TCP11L1: variants seen among roughly 807,000 people sequenced by gnomAD.
TCP11L1 encodes the protein T-complex protein 11-like protein 1.
In TCP11L1, 28 loss-of-function variants were observed where a neutral mutation model predicts 48.9. The ratio of observed to expected loss-of-function variants is 0.57; its 90% CI spans 0.42 to 0.78. The LOEUF (loss-of-function observed/expected upper bound fraction) is 0.78, where lower values mean the gene tolerates loss of function less well. TCP11L1 is among the 30% of genes least tolerant of loss of function. The pLI is 0.00. For missense variants in TCP11L1, 505 were observed against 613.4 expected, an observed-to-expected ratio of 0.82 and a Z score of 1.87; for synonymous variants, 204 against 231.9, an observed-to-expected ratio of 0.88 and a Z score of 1.09.
chr11:33,051,786 A>G (rs2133707256), intron 2 of TCP11L1, among the ~76,000 whole-genome samples: 1 of 152,280 alleles, frequency 6.6e-6, no homozygotes, highest in Admixed American at 6.5e-5. Flanking sequence ...ATGTGTGTGT[A>G]TATTAGTCTA....
At chr11:33,051,330 G>A (rs527645821) in intron 2 of TCP11L1, among the ~76,000 whole-genome samples, 1 of 151,636 alleles carries the variant, frequency 6.6e-6, no homozygotes, top group Non-Finnish European at 1.5e-5. Flanking sequence ...ATCACGCCCG[G>A]CTAATTTTTT....
At chr11:33,045,894 A>T (rs1429265088) in intron 2 of TCP11L1, among the ~76,000 whole-genome samples, 1 of 152,228 alleles carries the variant, frequency 6.6e-6, no homozygotes, top group East Asian at 1.9e-4. Context: ...CAAGCACATG[A>T]TCTACAGCTG....
rs1381209819 is a variant in TCP11L1, at chr11:33,065,719, C to T, written c.973-111C>T. ...CTCCCTCAAAGCTCTGACACACTAG[C>T]GCAAACCCTGAGGGAAGCTGCAGAG... On this transcript the variant is annotated intron_variant, in intron 7 of 9. Coordinates refer to ENST00000334274, the MANE Select transcript of TCP11L1 (RefSeq NM_018393.4). The T allele has an allele frequency of 8.1e-6, 10 of 1,235,064 alleles. No individual in the cohort carries two copies. In the Middle Eastern group the frequency reaches 1.1e-3, roughly 141 times the overall value. 76.5% of individuals were successfully genotyped at this position (1,235,064 alleles called of 1,614,324 possible). A position where few individuals can be genotyped will look rare whatever the true frequency, so the allele number is the denominator to read the frequency against.
chr11:33,051,050 A>AT (rs1016537682), intron 2 of TCP11L1, among the ~76,000 whole-genome samples: 4 of 151,814 alleles, frequency 2.6e-5, no homozygotes, highest in African/African-American at 9.7e-5. Context: ...GCCTCAAGCA[A>AT]TTTTTGCACC....
rs920611300 is a variant in TCP11L1, at chr11:33,058,941, A to G, written c.639-18A>G. 2 of 1,611,058 alleles carry G rather than the reference A, an allele frequency of 1.2e-6. No individual in the cohort carries two copies. Among genetic ancestry groups the G allele is most frequent in the South Asian group, 2.2e-5 (2 of 90,238 alleles). The stretch of plus-strand genomic sequence containing the variant: ...TTTACTTTACAAATGCTTGCTTCTA[A>G]ATCCTTTTTTCTTTCAGAGAAATTT... On this transcript the variant is annotated intron_variant, in intron 5 of 9. Coordinates refer to ENST00000334274, the MANE Select transcript of TCP11L1 (RefSeq NM_018393.4).
Position 33,061,707 on chromosome 11 carries a change from T to C in TCP11L1, c.953T>C (p.Leu318Pro). ...AYLKLLKWDHLQRPFPETVLM... is the reference protein window; with the variant it reads ...AYLKLLKWDHPQRPFPETVLM... ...CTGAAGCTTCTGAAGTGGGACCACC[T>C]CCAGAGGCCGTTCCCCGAAGTAGGT... Residue 318 changes from leucine (L) to proline (P), a missense_variant, in exon 7 of 10, where the codon CTC (leucine) becomes CCC (proline). Coordinates refer to ENST00000334274, the MANE Select transcript of TCP11L1 (RefSeq NM_018393.4). 6.2e-7 allele frequency: 1 copy of C among 1,602,020 alleles called. No homozygotes were observed. Among genetic ancestry groups the C allele is most frequent in the Non-Finnish European group, 8.5e-7 (1 of 1,172,480 alleles).
chr11:33,065,003 C>G (rs969587927), intron 7 of TCP11L1, among the ~76,000 whole-genome samples: 1 of 152,196 alleles, frequency 6.6e-6, no homozygotes, highest in Non-Finnish European at 1.5e-5. Context: ...TTGCTAGGGA[C>G]TGAGTGAGGG....
Position 33,059,173 on chromosome 11 carries a change from T to A in TCP11L1, c.775+78T>A, listed in dbSNP as rs1854403383. 15 of 1,554,362 alleles carry A rather than the reference T, an allele frequency of 9.7e-6. No individual in the cohort carries two copies. In the South Asian group the frequency reaches 1.5e-4, roughly 15 times the overall value. On this transcript the variant is annotated intron_variant, in intron 6 of 9. Transcript: ENST00000334274. ...AGCTGCCATAGCTTGTTGCATAATA[T>A]TATTTTCAGAACAAAACTAAAATTT...
Position 33,065,834 on chromosome 11 carries a change from T to G in TCP11L1, c.977T>G (p.Val326Gly). The change falls in exon 8 of 10, where the codon GTT (valine) becomes GGT (glycine). Residue 326 changes from valine (V) to glycine (G), a missense_variant. Val to Gly is a moderately radical substitution (Grantham distance 109, BLOSUM62 -3). Transcript: ENST00000334274. ...DHLQRPFPET[V>G]LMDQSRFHEL... Reference sequence around the variant, plus strand: ...GGCCTCTTCTATTCATTACAGACAGTTTTAATGGACCAGTCTCGCTTCCAC... The same window carrying G: ...GGCCTCTTCTATTCATTACAGACAGGTTTAATGGACCAGTCTCGCTTCCAC... The G allele has an allele frequency of 6.2e-7, 1 of 1,613,648 alleles. No individual in the cohort carries two copies. Among genetic ancestry groups the G allele is most frequent in the Non-Finnish European group, 8.5e-7 (1 of 1,179,746 alleles).
Position 33,072,504 on chromosome 11 carries a change from A to G in TCP11L1, c.1358A>G (p.Tyr453Cys), listed in dbSNP as rs776804677. The G allele has an allele frequency of 3.1e-6, 5 of 1,614,134 alleles. No individual in the cohort carries two copies. The highest frequency in any genetic ancestry group is 2.2e-5 in the East Asian group (1 of 44,868). ...ESRILTFLET[Y>C]LASGHQKPLP... ...CGAATCCTGACCTTCTTAGAAACCT[A>G]CCTTGCCTCGGGTCATCAGAAGCCA... Residue 453 changes from tyrosine (Y) to cysteine (C), a missense_variant, in exon 10 of 10, where the codon TAC (tyrosine) becomes TGC (cysteine). Physicochemically the swap from Tyr to Cys is radical, Grantham distance 194. Coordinates refer to ENST00000334274, the MANE Select transcript of TCP11L1 (RefSeq NM_018393.4).
chr11:33,053,109 A>G (rs1002530870), intron 2 of TCP11L1, among the ~76,000 whole-genome samples: 15 of 150,702 alleles, frequency 1.0e-4, no homozygotes, highest in Admixed American at 8.6e-4. Context: ...CTCTGACTCC[A>G]TGATAGGCTA....
Position 33,057,050 on chromosome 11 carries a change from G to C in TCP11L1, c.297-65G>C, listed in dbSNP as rs1854329472. The C allele has an allele frequency of 1.9e-6, 3 of 1,606,784 alleles. No individual in the cohort carries two copies. The South Asian group carries it at 3.3e-5, about 18-fold the overall frequency. ...CTAAACCCATAGTATTTGTGCTTTTGAAAGTGATTTGAAACTCAAATATTT... is the reference window on the plus strand; with the variant it reads ...CTAAACCCATAGTATTTGTGCTTTTCAAAGTGATTTGAAACTCAAATATTT... On this transcript the variant is annotated intron_variant, in intron 3 of 9. Transcript: ENST00000334274.
chr11:33,055,715 T>C (rs1854289446), intron 3 of TCP11L1, among the ~76,000 whole-genome samples: 1 of 152,204 alleles, frequency 6.6e-6, no homozygotes, highest in South Asian at 2.1e-4. Flanking sequence ...CTTCTAAATA[T>C]GACTTCACAG....
intron 9 of TCP11L1, among the ~76,000 whole-genome samples, chr11:33,071,292 C>T (rs1035051852): frequency 5.3e-5 from 8 of 151,616 alleles, no homozygotes; most frequent in African/African-American, 7.3e-5. Flanking sequence ...GCAGCCTGGG[C>T]GACAGAGTGA....
chr11:33,052,693 A>G (rs1047983496), intron 2 of TCP11L1, among the ~76,000 whole-genome samples: 1 of 152,176 alleles, frequency 6.6e-6, no homozygotes, highest in Non-Finnish European at 1.5e-5. Flanking sequence ...GAGACTTGTT[A>G]GAAATACAGA....
intron 2 of TCP11L1, among the ~76,000 whole-genome samples, chr11:33,049,248 CA>C (rs3078634): frequency 0.034 from 4,290 of 127,654 alleles, 74 homozygotes; most frequent in Non-Finnish European, 0.044. Context: ...GACTCCGTCT[CA>C]AAAAAAAAAA....
intron 7 of TCP11L1, among the ~76,000 whole-genome samples, chr11:33,063,174 T>A (rs182573685): frequency 1.7e-3 from 261 of 152,364 alleles, no homozygotes; most frequent in Non-Finnish European, 3.3e-3. Flanking sequence ...TCCTTTCTTT[T>A]TTAGGCTGAA....
At chr11:33,064,690 A>G (rs1217881619) in intron 7 of TCP11L1, among the ~76,000 whole-genome samples, 1 of 152,188 alleles carries the variant, frequency 6.6e-6, no homozygotes, top group African/African-American at 2.4e-5. Flanking sequence ...AGTTCTTACA[A>G]GCTTCCTTTG....
chr11:33,054,696 G>C lies in TCP11L1; in HGVS notation c.267G>C (p.Gln89His). The change falls in exon 3 of 10, where the codon CAG becomes CAC. Residue 89 changes from glutamine (Q) to histidine (H), a missense_variant. By Grantham distance (24) the Gln-to-His change is conservative (BLOSUM62 0). This residue lies in a region of TCP11L1 where 168 missense variants were observed against 183.5 expected (regional missense o/e 0.92). Transcript: ENST00000334274. ...AHEIVVNGDF[Q>H]IKPVELPENS... is the part of the protein sequence containing the mutation. ...AAATTGTAGTAAATGGAGACTTTCA[G>C]ATTAAACCAGTTGAATTACCAGAAA... 6.2e-7 allele frequency: 1 copy of C among 1,613,662 alleles called. No individual in the cohort carries two copies. Among genetic ancestry groups the C allele is most frequent in the Non-Finnish European group, 8.5e-7 (1 of 1,179,872 alleles).
Sources: allele counts gnomAD v4.1 joint callset (sites outside exome capture counted in the v4.1 genomes callset), GRCh38; gene constraint gnomAD v4.1.1; regional missense constraint gnomAD v4.1.1; transcripts MANE v1.5; gene names NCBI Gene and HGNC (gene_info 2026-07-23, HGNC 2026-07-21).